Variants in ADAMTSL1 observed in about 807,000 individuals in gnomAD.
ADAMTSL1 encodes ADAMTS like 1, also known as ADAMTS-like protein 1.
In ADAMTSL1, 126 loss-of-function variants were observed where a neutral mutation model predicts 201.8. The ratio of observed to expected loss-of-function variants is 0.62; its 90% confidence interval spans 0.54 to 0.72. ADAMTSL1 has a LOEUF of 0.72. Among genes scored for constraint, ADAMTSL1 ranks in the 30% least tolerant of loss-of-function variants. The probability of loss-of-function intolerance (pLI) is 0.00; values close to 1 mark genes in which losing one functional copy is unlikely to be tolerated. For synonymous variants in ADAMTSL1, 1,121 were observed against 903.4 expected (o/e 1.24, Z -4.32); for missense variants, 2,679 against 2,277.8 (o/e 1.18, Z -3.59).
chr9:18,720,640 G>A (rs187245735), intron 14 of ADAMTSL1, among the ~76,000 whole-genome samples: 58 of 152,112 alleles, frequency 3.8e-4, no homozygotes, highest in African/African-American at 1.1e-3. Context: ...AAAATTAGCC[G>A]GCCATGGTGG....
At chr9:18,054,918 C>G (rs1431457003) in intron 1 of ADAMTSL1, among the ~76,000 whole-genome samples, 1 of 152,082 alleles carries the variant, frequency 6.6e-6, no homozygotes, top group African/African-American at 2.4e-5. Context: ...CTGAACTGGT[C>G]CAACTATTTA....
At chr9:18,765,082 C>T (rs1273370873) in intron 16 of ADAMTSL1, among the ~76,000 whole-genome samples, 2 of 152,184 alleles carry the variant, frequency 1.3e-5, no homozygotes, top group Non-Finnish European at 2.9e-5. Context: ...TTGCCAAATT[C>T]ACTAAGAAAC....
In ADAMTSL1 at chr9:18,218,259, T is replaced by C. The variant is rs147951307; in HGVS notation, c.207+54278T>C. ...GTATAGAAAATGCAGCAAGAGGTCCTACAAAATATCAGTACCTTTTAAAAT... is the reference window on the plus strand; with the variant it reads ...GTATAGAAAATGCAGCAAGAGGTCCCACAAAATATCAGTACCTTTTAAAAT... On this transcript the variant is annotated intron_variant, in intron 2 of 29. Coordinates refer to the ADAMTSL1 transcript ENST00000680146. Among the ~76,000 whole-genome samples the C allele has an allele frequency of 4.3e-3, 658 of 152,320 alleles. 13 individuals are homozygous for C. The highest frequency in any genetic ancestry group is 0.04 in the Admixed American group (608 of 15,296).
intron 2 of ADAMTSL1, among the ~76,000 whole-genome samples, chr9:18,199,780 T>C (rs1455417511): frequency 6.6e-6 from 1 of 152,122 alleles, no homozygotes; most frequent in African/African-American, 2.4e-5. Flanking sequence ...ATGCAAGATT[T>C]ATAAAATTCT....
At chr9:18,095,378 A>T (rs977818860) in intron 1 of ADAMTSL1, among the ~76,000 whole-genome samples, 4 of 148,644 alleles carry the variant, frequency 2.7e-5, no homozygotes, top group Non-Finnish European at 6.0e-5. Flanking sequence ...TCAATTTGAC[A>T]CGTTTTTAGT....
At chr9:18,072,482 C>G (rs1264559687) in intron 1 of ADAMTSL1, among the ~76,000 whole-genome samples, 2 of 152,172 alleles carry the variant, frequency 1.3e-5, no homozygotes, top group African/African-American at 4.8e-5. Flanking sequence ...GTCTTCAAAC[C>G]AACACAGCTT....
At chr9:18,556,345 C>G (rs1821108768) in intron 3 of ADAMTSL1, among the ~76,000 whole-genome samples, 1 of 151,988 alleles carries the variant, frequency 6.6e-6, no homozygotes, top group African/African-American at 2.4e-5. Flanking sequence ...TGATAAGTGT[C>G]TCTATGTTTT....
upstream of ADAMTSL1, among the ~76,000 whole-genome samples, chr9:18,470,380 T>G (rs1448381269): frequency 6.6e-6 from 1 of 152,222 alleles, no homozygotes; most frequent in Non-Finnish European, 1.5e-5. Flanking sequence ...CCCCTGAGAA[T>G]AGCAGTCTGC....
At chr9:17,974,329 T>C (rs181470387) in intron 1 of ADAMTSL1, among the ~76,000 whole-genome samples, 11 of 152,154 alleles carry the variant, frequency 7.2e-5, no homozygotes, top group South Asian at 2.1e-4. Context: ...TATGACATGA[T>C]TGTATATCTA....
rs895343655 is a variant in ADAMTSL1, at chr9:18,504,912, C to G, written c.147C>G (p.Cys49Trp). The G allele has an allele frequency of 6.2e-7, 1 of 1,612,538 alleles. No homozygotes were observed. Among genetic ancestry groups the G allele is most frequent in the African/African-American group, 1.3e-5 (1 of 74,928 alleles). ...CATGGAGTGAATGCTCACGCACCTG[C>G]GGGGGTGGGGCCTCCTACTCTCTGA... The part of the protein sequence containing the change: ...WGPWSECSRT[C>W]GGGASYSLRR... Residue 49 changes from cysteine to tryptophan, a missense_variant, in exon 2 of 29, where the codon TGC (cysteine) becomes TGG (tryptophan). Transcript: ENST00000380548.
chr9:18,500,896 T>A (rs923506816), intron 1 of ADAMTSL1, among the ~76,000 whole-genome samples: 1 of 152,232 alleles, frequency 6.6e-6, no homozygotes, highest in African/African-American at 2.4e-5. Context: ...TCATCTCACA[T>A]GACATTGCTG....
chr9:18,841,459 T>C (rs970826224), intron 23 of ADAMTSL1, among the ~76,000 whole-genome samples: 39 of 152,310 alleles, frequency 2.6e-4, no homozygotes, highest in African/African-American at 7.9e-4. Context: ...TTGAGGATTT[T>C]TGCATCAATG....
intron 1 of ADAMTSL1, among the ~76,000 whole-genome samples, chr9:18,034,491 A>G (rs1447139889): frequency 2.0e-5 from 3 of 152,190 alleles, no homozygotes; most frequent in Admixed American, 1.3e-4. Context: ...GATCTTAAGT[A>G]TATAGAAACA....
At chr9:18,890,571 G>T (rs775520211) in intron 25 of ADAMTSL1, 6 of 455,898 alleles carry the variant, frequency 1.3e-5, no homozygotes, top group Non-Finnish European at 2.6e-5. Context: ...ATAAGGAGCA[G>T]CTGAAACCAG....
chr9:18,434,960 G>C (rs1224311714), intron 2 of ADAMTSL1, among the ~76,000 whole-genome samples: 1 of 152,182 alleles, frequency 6.6e-6, no homozygotes, highest in Non-Finnish European at 1.5e-5. Context: ...ACCACATCTG[G>C]CTTTGATCAC....
chr9:18,670,339 G>C (rs1829735520), intron 9 of ADAMTSL1, among the ~76,000 whole-genome samples: 1 of 152,168 alleles, frequency 6.6e-6, no homozygotes, highest in African/African-American at 2.4e-5. Flanking sequence ...AAAGCTTTCA[G>C]AGTTATATCT....
chr9:18,542,882 C>G (rs573001440), intron 3 of ADAMTSL1, among the ~76,000 whole-genome samples: 1 of 152,194 alleles, frequency 6.6e-6, no homozygotes, highest in Non-Finnish European at 1.5e-5. Context: ...TCTATGGCAT[C>G]ATGGGTAATT....
At chr9:18,788,657 G>T (rs1435349307) in intron 19 of ADAMTSL1, among the ~76,000 whole-genome samples, 1 of 152,148 alleles carries the variant, frequency 6.6e-6, no homozygotes, top group Non-Finnish European at 1.5e-5. Flanking sequence ...CCGCTTTGTG[G>T]TAGATTCCAT....
chr9:18,112,327 G>A (rs1422267215), intron 1 of ADAMTSL1, among the ~76,000 whole-genome samples: 5 of 152,016 alleles, frequency 3.3e-5, no homozygotes, highest in African/African-American at 9.7e-5. Context: ...TCTCCCCGAG[G>A]GGACGTACTC....
Sources: gnomAD v4.1 joint callset for allele counts (sites outside exome capture counted in the v4.1 genomes callset) on GRCh38, gnomAD v4.1.1 for gene constraint, MANE v1.5 for transcripts, NCBI Gene and HGNC (gene_info 2026-07-23, HGNC 2026-07-21) for gene names.